The following UBE3C variants were observed in gnomAD, a reference collection of about 807,000 sequenced individuals.
The protein encoded by UBE3C is ubiquitin-protein ligase E3C.
Under a neutral mutation model 129.4 loss-of-function variants are expected in UBE3C, and 42 were observed. The observed-to-expected ratio is 0.32, with a 90% CI of 0.25 to 0.42. The LOEUF (loss-of-function observed/expected upper bound fraction) is 0.42. Ranked by LOEUF, UBE3C falls within the 10% of genes least tolerant of loss-of-function variation. The pLI, the probability that UBE3C is intolerant of heterozygous loss-of-function variation, is 1.00. For missense variants in UBE3C, 1,049 were observed against 1,319.1 expected, an observed-to-expected ratio of 0.80 and a Z score of 3.17; for synonymous variants, 510 against 492.4, an observed-to-expected ratio of 1.04 and a Z score of -0.47.
At chr7:157,151,225 C>T (rs1474368398) in intron 1 of UBE3C, among the ~76,000 whole-genome samples, 4 of 152,182 alleles carry the variant, frequency 2.6e-5, no homozygotes, top group Admixed American at 6.5e-5. Context: ...TAAACGCTGG[C>T]GCTGCAAAAC....
intron 18 of UBE3C, among the ~76,000 whole-genome samples, chr7:157,242,161 C>T (rs10262763): frequency 8.5e-5 from 13 of 152,268 alleles, no homozygotes; most frequent in South Asian, 2.1e-4. Flanking sequence ...ACAAAGGAAT[C>T]GTGCGGTAGG....
intron 1 of UBE3C, among the ~76,000 whole-genome samples, chr7:157,154,946 A>G (rs893014076): frequency 1.3e-5 from 2 of 152,222 alleles, no homozygotes; most frequent in Admixed American, 1.3e-4. Context: ...AAATGCTGTT[A>G]ATGCATAGTC....
At chr7:157,251,281 G>A (rs1796614823) in intron 19 of UBE3C, among the ~76,000 whole-genome samples, 1 of 152,156 alleles carries the variant, frequency 6.6e-6, no homozygotes, top group African/African-American at 2.4e-5. Context: ...AAAATATGGT[G>A]CTGCTCTCAA....
intron 6 of UBE3C, 49 bp from the exon 7 acceptor site, chr7:157,181,469 T>G: frequency 6.6e-7 from 1 of 1,518,174 alleles, no homozygotes; most frequent in South Asian, 1.3e-5. Context: ...GTTTTTTCCC[T>G]TATTACAGGA....
intron 10 of UBE3C, among the ~76,000 whole-genome samples, chr7:157,193,720 T>C (rs1017948905): frequency 9.2e-5 from 14 of 152,158 alleles, no homozygotes; most frequent in Admixed American, 7.9e-4. Context: ...TTGAAACTTT[T>C]TGATTACATG....
At chr7:157,214,949 C>T (rs953714638) in intron 13 of UBE3C, among the ~76,000 whole-genome samples, 1 of 152,204 alleles carries the variant, frequency 6.6e-6, no homozygotes, top group African/African-American at 2.4e-5. Flanking sequence ...AGCTAAGCCC[C>T]TGAGCAACAC....
Position 157,224,041 on chromosome 7 carries a change from C to T in UBE3C, c.2100+690C>T, listed in dbSNP as rs573676415. 7.2e-5 allele frequency among the ~76,000 whole-genome samples: 11 copies of T among 152,020 alleles called. No homozygotes were observed. In the South Asian group the frequency reaches 2.3e-3, roughly 32 times the overall value. On this transcript the variant is annotated intron_variant, in intron 16 of 22. Coordinates refer to ENST00000348165, the MANE Select transcript of UBE3C (RefSeq NM_014671.3). ...TTTTTTTTTCTGAGACAGGATCTCA[C>T]TCTGTCACCTGGGCTAGAAAGCAGT... is the stretch of plus-strand genomic sequence containing the variant.
At position 157,231,189 on chromosome 7, in the gene UBE3C, G is replaced by C. The variant is rs749529020; in HGVS notation, c.2343G>C (p.Leu781=). The change falls in exon 18 of 23, where the codon CTG becomes CTC. Residue 781 remains leucine, a synonymous_variant. Transcript: ENST00000348165. The part of the protein sequence containing the change: ...GIFREFLNEL[L]KSGFNPNQGF... ...TCAGAGAGTTTTTAAATGAACTACT[G>C]AAGTCAGGATTTAACCCCAACCAGG... is the stretch of plus-strand genomic sequence containing the variant. 12 of 1,613,958 alleles carry C rather than the reference G, an allele frequency of 7.4e-6. No homozygotes were observed.
At position 157,246,616 on chromosome 7, in the gene UBE3C, T is replaced by A. The variant is rs118053785; in HGVS notation, c.2482-1752T>A. ...GGTCTGGGTCTATCACAGCATCTCC[T>A]GCAGCACAGCTCATAGTAGTCATTT... On this transcript the variant is annotated intron_variant, in intron 18 of 22. Coordinates refer to ENST00000348165, the MANE Select transcript of UBE3C (RefSeq NM_014671.3). Among the ~76,000 whole-genome samples, 22 of 152,318 alleles carry A rather than the reference T, an allele frequency of 1.4e-4. No individual in the cohort carries two copies. The East Asian group carries it at 3.7e-3, about 25-fold the overall frequency.
At chr7:157,203,011 G>A (rs1024234165) in intron 11 of UBE3C, among the ~76,000 whole-genome samples, 2 of 152,292 alleles carry the variant, frequency 1.3e-5, no homozygotes, top group African/African-American at 4.8e-5. Context: ...GAAAACTCTT[G>A]TTGAGATTTC....
chr7:157,176,194 C>T (rs576894321), intron 5 of UBE3C, among the ~76,000 whole-genome samples: 32 of 152,274 alleles, frequency 2.1e-4, no homozygotes, highest in African/African-American at 7.0e-4. Flanking sequence ...CCCAGGAGTT[C>T]GAGGCTGCAG....
chr7:157,144,884 C>G (rs866133407), intron 1 of UBE3C, among the ~76,000 whole-genome samples: 1 of 152,180 alleles, frequency 6.6e-6, no homozygotes, highest in African/African-American at 2.4e-5. Context: ...AGTGTACATT[C>G]AGGTTCACAC....
At chr7:157,142,970 C>T (rs527715392) in intron 1 of UBE3C, among the ~76,000 whole-genome samples, 44 of 151,894 alleles carry the variant, frequency 2.9e-4, no homozygotes, top group Non-Finnish European at 5.3e-4. Flanking sequence ...CGGGTTCAAG[C>T]GATTCTCCTG....
intron 14 of UBE3C, chr7:157,217,360 C>G (rs987495886): frequency 6.0e-6 from 1 of 166,536 alleles, no homozygotes; most frequent in Non-Finnish European, 1.3e-5. Context: ...TATGTTTGCC[C>G]GTGGTGGTCT....
At chr7:157,140,715 G>T (rs1807419841) in intron 1 of UBE3C, among the ~76,000 whole-genome samples, 1 of 152,196 alleles carries the variant, frequency 6.6e-6, no homozygotes, top group Non-Finnish European at 1.5e-5. Flanking sequence ...CTCTGTTGCA[G>T]GCAGGAACAC....
chr7:157,214,118 C>T (rs1040686419), intron 13 of UBE3C, among the ~76,000 whole-genome samples: 3 of 152,120 alleles, frequency 2.0e-5, no homozygotes, highest in Non-Finnish European at 2.9e-5. Context: ...CTCCCTCCAC[C>T]GCCTTTTTTT....
At chr7:157,174,300 G>GTATTT (rs1280860055) in intron 4 of UBE3C, among the ~76,000 whole-genome samples, 2 of 151,966 alleles carry the variant, frequency 1.3e-5, no homozygotes, top group East Asian at 3.9e-4. Flanking sequence ...GAGAAATACC[G>GTATTT]TATTTCTCAT....
intron 4 of UBE3C, among the ~76,000 whole-genome samples, chr7:157,174,019 A>G (rs997434749): frequency 2.6e-5 from 4 of 152,256 alleles, no homozygotes; most frequent in African/African-American, 9.6e-5. Flanking sequence ...CTACTTAAAA[A>G]TATAGGCAAA....
chr7:157,183,838 T>C (rs1808734489), intron 8 of UBE3C, 40 bp from the exon 9 acceptor site: 1 of 1,576,414 alleles, frequency 6.3e-7, no homozygotes, highest in Non-Finnish European at 8.6e-7. Context: ...TAAAAAATAA[T>C]GTTTAACTAA....
Sources: allele counts gnomAD v4.1 joint callset (sites outside exome capture counted in the v4.1 genomes callset), GRCh38; gene constraint gnomAD v4.1.1; transcripts MANE v1.5; gene names NCBI Gene and HGNC (gene_info 2026-07-23, HGNC 2026-07-21).